CDH13: variants seen among roughly 807,000 people sequenced by gnomAD.
CDH13 encodes the protein cadherin 13, also known as cadherin-13.
In CDH13, 24 loss-of-function variants were observed where a neutral mutation model predicts 63.8. The observed-to-expected ratio is 0.38, with a 90% CI of 0.27 to 0.53. The LOEUF is 0.53. CDH13 is among the 20% of genes least tolerant of loss of function. CDH13 has a pLI of 0.85. For synonymous variants in CDH13, 503 were observed against 355.3 expected (o/e 1.42, Z -4.67); for missense variants, 1,049 against 903.1 (o/e 1.16, Z -2.07).
chr16:83,529,757 G>C (rs1057249630), intron 7 of CDH13, among the ~76,000 whole-genome samples: 1 of 151,890 alleles, frequency 6.6e-6, no homozygotes, highest in African/African-American at 2.4e-5. Context: ...CCACATAAAA[G>C]AAAAATACAA....
chr16:82,913,521 T>C (rs184613928), intron 2 of CDH13, among the ~76,000 whole-genome samples: 2 of 152,246 alleles, frequency 1.3e-5, no homozygotes, highest in South Asian at 2.1e-4. Flanking sequence ...AATAAGGCCA[T>C]CAAGTTGATG....
At chr16:83,701,356 T>C (rs1434406281) in intron 10 of CDH13, among the ~76,000 whole-genome samples, 1 of 152,210 alleles carries the variant, frequency 6.6e-6, no homozygotes, top group African/African-American at 2.4e-5. Context: ...ATTTCTTTTC[T>C]AAATGACATA....
At chr16:82,661,845 C>G (rs181848704) in intron 1 of CDH13, among the ~76,000 whole-genome samples, 1 of 152,338 alleles carries the variant, frequency 6.6e-6, no homozygotes, top group Non-Finnish European at 1.5e-5. Flanking sequence ...TTAGGAACAA[C>G]TAAGGTATGT....
At chr16:82,772,806 C>T (rs1416455784) in intron 1 of CDH13, among the ~76,000 whole-genome samples, 13 of 152,164 alleles carry the variant, frequency 8.5e-5, no homozygotes, top group Non-Finnish European at 1.8e-4. Context: ...GAGCTCTGAA[C>T]CCATTCAATC....
chr16:83,690,443 C>G (rs1035256778), intron 10 of CDH13, among the ~76,000 whole-genome samples: 2 of 152,126 alleles, frequency 1.3e-5, no homozygotes, highest in African/African-American at 2.4e-5. Context: ...GTAGAGGAAG[C>G]AAGTGGGAAG....
chr16:82,778,563 A>G (rs1254923644), intron 1 of CDH13, among the ~76,000 whole-genome samples: 1 of 117,938 alleles, frequency 8.5e-6, no homozygotes, highest in Non-Finnish European at 1.7e-5. Flanking sequence ...CTTTGGAATC[A>G]CGACCAGAAA....
Position 82,861,675 on chromosome 16 carries a change from C to G in CDH13, c.157+3202C>G, listed in dbSNP as rs144586228. Among the ~76,000 whole-genome samples, 111 of 152,340 alleles carry G rather than the reference C, an allele frequency of 7.3e-4. No homozygotes were observed. The East Asian group carries it at 0.018, about 25-fold the overall frequency. On this transcript the variant is annotated intron_variant, in intron 2 of 13. Transcript: ENST00000567109. ...CCTAATATTTTATTCACTGTTATCT[C>G]TGATACATCTTTCTCTCAGTTGTTC...
At chr16:82,908,187 TCTGGAACCTTGA>T (rs2041711042) in intron 2 of CDH13, among the ~76,000 whole-genome samples, 1 of 152,108 alleles carries the variant, frequency 6.6e-6, no homozygotes. Context: ...AAGGAAAACG[TCTGGAACCTTGA>T]CATTCCACAG....
chr16:82,897,895 T>A (rs899144125), intron 2 of CDH13, among the ~76,000 whole-genome samples: 6 of 152,222 alleles, frequency 3.9e-5, no homozygotes, highest in African/African-American at 1.4e-4. Context: ...CGGCAAACAT[T>A]TATCAAACTC....
intron 6 of CDH13, among the ~76,000 whole-genome samples, chr16:83,454,179 C>G (rs189663498): frequency 6.6e-6 from 1 of 152,170 alleles, no homozygotes; most frequent in Non-Finnish European, 1.5e-5. Context: ...GGGGTGATGA[C>G]TCACCTCAGA....
chr16:83,362,608 A>G (rs1335856674), intron 6 of CDH13, among the ~76,000 whole-genome samples: 1 of 152,210 alleles, frequency 6.6e-6, no homozygotes, highest in Non-Finnish European at 1.5e-5. Context: ...ATGTGAGGAC[A>G]CAGAAGCTCA....
chr16:83,208,944 G>T (rs1251388818), intron 4 of CDH13, among the ~76,000 whole-genome samples: 1 of 152,122 alleles, frequency 6.6e-6, no homozygotes, highest in African/African-American at 2.4e-5. Flanking sequence ...AAATTATAAG[G>T]ATAGGGAGGG....
intron 10 of CDH13, among the ~76,000 whole-genome samples, chr16:83,687,860 G>C (rs552559142): frequency 1.3e-5 from 2 of 152,238 alleles, no homozygotes; most frequent in African/African-American, 4.8e-5. Flanking sequence ...CCTATTCTTT[G>C]AACACAGAAT....
intron 7 of CDH13, among the ~76,000 whole-genome samples, chr16:83,574,960 C>T (rs57985238): frequency 6.6e-6 from 1 of 152,136 alleles, no homozygotes; most frequent in East Asian, 1.9e-4. Context: ...TTAATAGCAA[C>T]ATTACGATAA....
chr16:83,152,757 T>C lies in CDH13; in HGVS notation c.483+27256T>C, dbSNP rs1336779042. On this transcript the variant is annotated intron_variant, in intron 4 of 13. Coordinates refer to ENST00000567109, the MANE Select transcript of CDH13 (RefSeq NM_001257.5). ...CATGTGTTGAAGTCCTAACCTCTGG[T>C]CTCTCAGAATGTGGCTTTCCTTGGA... Among the ~76,000 whole-genome samples, 4 of 152,318 alleles carry C rather than the reference T, an allele frequency of 2.6e-5. No homozygotes were observed. In the East Asian group the frequency reaches 7.7e-4, roughly 29 times the overall value.
At chr16:82,702,151 C>A (rs1055088353) in intron 1 of CDH13, among the ~76,000 whole-genome samples, 5 of 152,168 alleles carry the variant, frequency 3.3e-5, no homozygotes, top group Non-Finnish European at 7.3e-5. Flanking sequence ...GTTTGCTCTG[C>A]TGCTGAGATC....
intron 1 of CDH13, among the ~76,000 whole-genome samples, chr16:82,732,383 C>G (rs2033449587): frequency 6.6e-6 from 1 of 152,194 alleles, no homozygotes; most frequent in African/African-American, 2.4e-5. Flanking sequence ...TCAACTACAA[C>G]ATATTTGAAT....
chr16:83,106,112 C>G (rs1260323135), intron 3 of CDH13, among the ~76,000 whole-genome samples: 1 of 152,230 alleles, frequency 6.6e-6, no homozygotes, highest in Non-Finnish European at 1.5e-5. Context: ...AACCTTTGAT[C>G]CAGTAACACC....
intron 6 of CDH13, among the ~76,000 whole-genome samples, chr16:83,460,572 C>T (rs1187243597): frequency 6.6e-6 from 1 of 152,076 alleles, no homozygotes; most frequent in African/African-American, 2.4e-5. Flanking sequence ...ATGTGGAAAA[C>T]ACAGTCTGCA....
Sources: gnomAD v4.1 joint callset for allele counts (sites outside exome capture counted in the v4.1 genomes callset) on GRCh38, gnomAD v4.1.1 for gene constraint, MANE v1.5 for transcripts, NCBI Gene and HGNC (gene_info 2026-07-23, HGNC 2026-07-21) for gene names.